PRELID2: variants seen among roughly 807,000 people sequenced by gnomAD.
PRELID2 encodes the protein PRELI domain containing 2.
Under a neutral mutation model 28.4 loss-of-function variants are expected in PRELID2, and 25 were observed. The observed-to-expected ratio is 0.88, with a 90% CI of 0.64 to 1.23. The LOEUF (loss-of-function observed/expected upper bound fraction) is 1.23. Among genes scored for constraint, PRELID2 ranks in the 50% most tolerant of loss-of-function variants. PRELID2 has a pLI of 0.00. For synonymous variants in PRELID2, 76 were observed against 71.6 expected (o/e 1.06, Z -0.31); for missense variants, 201 against 214.4 (o/e 0.94, Z 0.39).
At chr5:145,277,851 G>A in the PRELID2 span, among the ~76,000 whole-genome samples, 2 of 152,162 alleles carry the variant, frequency 1.3e-5, no homozygotes, top group Admixed American at 6.5e-5. Context: ...TGTTGAGTCT[G>A]CATTACACAC....
At chr5:145,818,628 ACT>A (rs1338698981) in intron 3 of PRELID2, among the ~76,000 whole-genome samples, 2 of 152,156 alleles carry the variant, frequency 1.3e-5, no homozygotes, top group African/African-American at 2.4e-5. Context: ...CAGGGTACAC[ACT>A]CTGGAAAAAG....
At chr5:145,249,999 A>G in the PRELID2 span, among the ~76,000 whole-genome samples, 1 of 151,764 alleles carries the variant, frequency 6.6e-6, no homozygotes, top group African/African-American at 2.4e-5. Context: ...ATCTGCACAC[A>G]ATTTAGATGA....
chr5:145,289,721 G>T, the PRELID2 span, among the ~76,000 whole-genome samples: 3 of 152,158 alleles, frequency 2.0e-5, no homozygotes, highest in Non-Finnish European at 4.4e-5. Flanking sequence ...CACCAGTAAT[G>T]AATGAGAATT....
At chr5:145,378,128 T>C in the PRELID2 span, among the ~76,000 whole-genome samples, 3 of 152,174 alleles carry the variant, frequency 2.0e-5, no homozygotes, top group Admixed American at 6.6e-5. Context: ...ATCTCTTCTG[T>C]CTTCCAGGGT....
chr5:145,447,470 C>CT, the PRELID2 span, among the ~76,000 whole-genome samples: 28,789 of 134,210 alleles, frequency 0.21, 3,165 homozygotes, highest in South Asian at 0.34. Context: ...CTGAAATTTT[C>CT]TTTTTTTTTT....
chr5:145,607,132 T>C (rs1431750060), intron 1 of PRELID2, among the ~76,000 whole-genome samples: 1 of 152,170 alleles, frequency 6.6e-6, no homozygotes, highest in African/African-American at 2.4e-5. Flanking sequence ...ATCTCCCCTC[T>C]TTTTTACTTT....
At chr5:145,458,174 C>CA in the PRELID2 span, among the ~76,000 whole-genome samples, 2 of 152,078 alleles carry the variant, frequency 1.3e-5, no homozygotes, top group Non-Finnish European at 2.9e-5. Flanking sequence ...TAGTAAGATA[C>CA]AAAAAATTTT....
chr5:145,357,912 T>A, the PRELID2 span, among the ~76,000 whole-genome samples: 1 of 71,490 alleles, frequency 1.4e-5, no homozygotes, highest in Non-Finnish European at 3.0e-5. Flanking sequence ...GTCCCTTGGA[T>A]TTTTTTTTTT....
At chr5:145,572,750 C>T (rs1021812541) in intron 1 of PRELID2, among the ~76,000 whole-genome samples, 6 of 152,132 alleles carry the variant, frequency 3.9e-5, no homozygotes, top group Non-Finnish European at 8.8e-5. Context: ...AAGGTGTATA[C>T]ACATTAGTGC....
chr5:145,622,286 CTG>C (rs1160685804), intron 1 of PRELID2, among the ~76,000 whole-genome samples: 3 of 152,066 alleles, frequency 2.0e-5, no homozygotes, highest in African/African-American at 7.2e-5. Context: ...ATATTAAAGA[CTG>C]TTTAATTGCA....
chr5:145,681,190 G>A (rs1754929255), intron 1 of PRELID2, among the ~76,000 whole-genome samples: 1 of 152,206 alleles, frequency 6.6e-6, no homozygotes, highest in African/African-American at 2.4e-5. Context: ...TCCACAGTAG[G>A]CAGGAAACAG....
chr5:145,703,096 C>T (rs1755452072), intron 1 of PRELID2, among the ~76,000 whole-genome samples: 1 of 152,136 alleles, frequency 6.6e-6, no homozygotes, highest in Admixed American at 6.5e-5. Context: ...TGTGCAGCAC[C>T]CATTGGCCAT....
At chr5:145,392,287 C>T in the PRELID2 span, among the ~76,000 whole-genome samples, 1 of 134,042 alleles carries the variant, frequency 7.5e-6, no homozygotes, top group African/African-American at 2.7e-5. Flanking sequence ...GGGAAGCAAA[C>T]ATGTCTTCTT....
chr5:145,431,078 T>C, the PRELID2 span, among the ~76,000 whole-genome samples: 3 of 136,724 alleles, frequency 2.2e-5, no homozygotes, highest in Admixed American at 8.0e-5. Flanking sequence ...ATCACAGCCC[T>C]AATGTTATGG....
the PRELID2 span, among the ~76,000 whole-genome samples, chr5:145,404,071 A>G: frequency 1.3e-5 from 2 of 152,360 alleles, no homozygotes; most frequent in African/African-American, 4.8e-5. Flanking sequence ...AGCGGATTAA[A>G]TATCAACAAC....
chr5:145,251,889 T>G, the PRELID2 span, among the ~76,000 whole-genome samples: 2 of 152,138 alleles, frequency 1.3e-5, no homozygotes, highest in Non-Finnish European at 2.9e-5. Flanking sequence ...TGACCTCATC[T>G]GTCAGGGGTC....
rs77659155 is a variant in PRELID2 at position 145,607,540 on chromosome 5, G to A, written n.71-134225C>T. 2.6e-3 allele frequency among the ~76,000 whole-genome samples: 397 copies of A among 152,040 alleles called. 1 individual carries two copies. Among genetic ancestry groups the A allele is most frequent in the Non-Finnish European group, 3.6e-3 (244 of 67,888 alleles). On this transcript the variant is annotated intron_variant and non_coding_transcript_variant, in intron 1 of 2. Coordinates refer to the PRELID2 transcript ENST00000510259. The stretch of plus-strand genomic sequence containing the variant: ...TCAGGAACAGGTTGCTTAATTTCAC[G>A]TAATTATATGGTTTTGGGAATTTTT...
At chr5:145,761,332 C>A (rs997155451) in intron 6 of PRELID2, among the ~76,000 whole-genome samples, 1 of 152,144 alleles carries the variant, frequency 6.6e-6, no homozygotes, top group African/African-American at 2.4e-5. Flanking sequence ...ATTGTGTACG[C>A]GCATTGGAAC....
chr5:145,359,338 A>G, the PRELID2 span, among the ~76,000 whole-genome samples: 1 of 152,210 alleles, frequency 6.6e-6, no homozygotes, highest in Non-Finnish European at 1.5e-5. Flanking sequence ...CAGCTGCCCA[A>G]TAAGACTGAA....
Sources: allele counts gnomAD v4.1 joint callset (sites outside exome capture counted in the v4.1 genomes callset), GRCh38; gene constraint gnomAD v4.1.1; transcripts MANE v1.5; gene names NCBI Gene and HGNC (gene_info 2026-07-23, HGNC 2026-07-21).